PHIP: variants seen among roughly 807,000 people sequenced by gnomAD.
PHIP encodes PHIP subunit of CUL4-Ring ligase complex, also known as PH-interacting protein.
PHIP carries 54 observed loss-of-function variants against 236.8 expected under a neutral mutation model. That is an observed-to-expected ratio of 0.23 (90% CI 0.18 to 0.29). The LOEUF (loss-of-function observed/expected upper bound fraction) is 0.29. Among genes scored for constraint, PHIP ranks in the 10% least tolerant of loss-of-function variants. PHIP has a pLI of 1.00. For missense variants in PHIP, 1,370 were observed against 2,190.8 expected (o/e 0.63, Z 7.48); for synonymous variants, 756 against 718.9 (o/e 1.05, Z -0.83).
At position 78,961,737 on chromosome 6, in the gene PHIP, T is replaced by C; in HGVS notation, c.3609A>G (p.Pro1203=). ...YPMYCTVVAY[P]TDLSTIKQRL... ...TTTGTTTAATTGTACTTAGATCCGT[T>C]GGATATGCCACTACTGTGCAATACA... is the stretch of plus-strand genomic sequence containing the variant. Residue 1203 remains proline, a synonymous_variant, in exon 31 of 40, where the codon CCA becomes CCG. Coordinates refer to ENST00000275034, the MANE Select transcript of PHIP (RefSeq NM_017934.7). The C allele has an allele frequency of 7.4e-6, 12 of 1,612,664 alleles. No homozygotes were observed. Among genetic ancestry groups the C allele is most frequent in the Non-Finnish European group, 1.0e-5 (12 of 1,178,894 alleles).
At chr6:79,006,092 G>A (rs191485865) in intron 15 of PHIP, among the ~76,000 whole-genome samples, 1 of 152,072 alleles carries the variant, frequency 6.6e-6, no homozygotes, top group East Asian at 1.9e-4. Flanking sequence ...GAAAATGAAA[G>A]TATATTTCAA....
chr6:78,969,721 A>C, intron 27 of PHIP, 114 bp downstream of exon 27: 2 of 547,672 alleles, frequency 3.7e-6, no homozygotes, highest in South Asian at 3.1e-5. Context: ...CATTCCTACA[A>C]ATAGCAAAAA....
intron 7 of PHIP, among the ~76,000 whole-genome samples, chr6:79,030,426 G>C (rs1210236299): frequency 6.6e-6 from 1 of 152,116 alleles, no homozygotes; most frequent in African/African-American, 2.4e-5. Flanking sequence ...ATTGCTGCTC[G>C]GGCTAGGAAT....
At chr6:78,944,991 C>T (rs758217287) in intron 39 of PHIP, among the ~76,000 whole-genome samples, 2 of 151,792 alleles carry the variant, frequency 1.3e-5, no homozygotes, top group Non-Finnish European at 2.9e-5. Flanking sequence ...TTTTGTGATC[C>T]AATAATTACT....
chr6:78,947,872 G>A (rs1773913322), intron 35 of PHIP, 97 bp from the exon 36 acceptor site: 1 of 743,212 alleles, frequency 1.3e-6, no homozygotes, highest in Non-Finnish European at 2.2e-6. Context: ...ATGACTGCAA[G>A]TCCTAGAACT....
At position 79,001,930 on chromosome 6, in the gene PHIP, T is replaced by C. The variant is rs200020269; in HGVS notation, c.1848A>G (p.Gln616=). ...VPGRENCREE[Q]LIPQMGVTSS... ...AAGTTACTCCCATCTGAGGGATGAGTTGCTCCTCCCTGCAATTTTCACGGC... is the reference window on the plus strand; with the variant it reads ...AAGTTACTCCCATCTGAGGGATGAGCTGCTCCTCCCTGCAATTTTCACGGC... The change falls in exon 17 of 40, where the codon CAA becomes CAG. Residue 616 remains glutamine, a synonymous_variant. Transcript: ENST00000275034. 3.1e-6 allele frequency: 5 copies of C among 1,611,072 alleles called. No homozygotes were observed. In the Admixed American group the frequency reaches 6.7e-5, roughly 22 times the overall value.
chr6:79,070,340 T>A (rs966275557), intron 4 of PHIP, among the ~76,000 whole-genome samples: 3 of 152,192 alleles, frequency 2.0e-5, no homozygotes, highest in African/African-American at 4.8e-5. Context: ...CTAAGGCCAA[T>A]GTAAATAATC....
chr6:78,968,342 C>G (rs1338210828), intron 27 of PHIP, among the ~76,000 whole-genome samples: 1 of 152,084 alleles, frequency 6.6e-6, no homozygotes, highest in African/African-American at 2.4e-5. Flanking sequence ...TTTAACTGAC[C>G]AGGTCTACTT....
chr6:79,001,153 G>A (rs2127731134), intron 17 of PHIP, among the ~76,000 whole-genome samples: 3 of 152,132 alleles, frequency 2.0e-5, no homozygotes, highest in Admixed American at 2.0e-4. Flanking sequence ...TATAGTAGAA[G>A]TATTCATAAT....
chr6:78,967,292 A>G (rs1268913416), intron 27 of PHIP, among the ~76,000 whole-genome samples: 1 of 152,220 alleles, frequency 6.6e-6, no homozygotes, highest in Non-Finnish European at 1.5e-5. Flanking sequence ...ACTTAACAAA[A>G]AGCTACTATA....
At chr6:79,042,474 C>T (rs1196093383) in intron 7 of PHIP, among the ~76,000 whole-genome samples, 1 of 151,912 alleles carries the variant, frequency 6.6e-6, no homozygotes, top group Non-Finnish European at 1.5e-5. Flanking sequence ...TAATCTCATA[C>T]AATTATAAAA....
At position 79,042,486 on chromosome 6, in the gene PHIP, G is replaced by A. The variant is rs948208238; in HGVS notation, c.600+357C>T. The stretch of plus-strand genomic sequence containing the variant: ...CAATAATCTCATACAATTATAAAAA[G>A]GCACATTTAATAATCTCTCAACATA... On this transcript the variant is annotated intron_variant, in intron 7 of 39. Transcript: ENST00000275034. Among the ~76,000 whole-genome samples the A allele has an allele frequency of 2.0e-5, 3 of 151,750 alleles. No individual in the cohort carries two copies. In the South Asian group the frequency reaches 6.2e-4, roughly 32 times the overall value.
At chr6:79,018,333 G>T (rs1415336103) in intron 10 of PHIP, among the ~76,000 whole-genome samples, 4 of 151,820 alleles carry the variant, frequency 2.6e-5, no homozygotes, top group African/African-American at 9.7e-5. Context: ...GTTAGAAAAT[G>T]AACATGTTTG....
chr6:78,997,543 C>A lies in PHIP; in HGVS notation c.2072G>T (p.Arg691Leu). ...CCGTACACCTTCAATTTGTCCACTACGTCTTAGTCCTACGTTTGGTGGTGA... is the reference window on the plus strand; with the variant it reads ...CCGTACACCTTCAATTTGTCCACTAAGTCTTAGTCCTACGTTTGGTGGTGA... ...VHSPPNVGLR[R>L]SGQIEGVRQM... Residue 691 changes from arginine to leucine, a missense_variant, in exon 19 of 40, where the codon CGT becomes CTT. Coordinates refer to ENST00000275034, the MANE Select transcript of PHIP (RefSeq NM_017934.7). The A allele has an allele frequency of 2.5e-6, 4 of 1,613,992 alleles. No homozygotes were observed. In the African/African-American group the frequency reaches 4.0e-5, roughly 16 times the overall value.
rs1439125734 is a variant in PHIP, at chr6:78,939,501, C to T, written c.*1192G>A. 6.6e-6 allele frequency: 1 copy of T among 151,688 alleles called. No individual in the cohort carries two copies. The highest frequency in any genetic ancestry group is 1.5e-5 in the Non-Finnish European group (1 of 67,742). 9.4% of individuals were successfully genotyped at this position (151,688 alleles called of 1,614,324 possible). On this transcript the variant is annotated 3_prime_UTR_variant, in exon 40 of 40. Coordinates refer to ENST00000275034, the MANE Select transcript of PHIP (RefSeq NM_017934.7). ...CTTAAAATTAAACTATAAAGTATGA[C>T]ATTTTAAAATTATTTTTATTCTACT...
chr6:79,011,474 T>C (rs1160843585), intron 15 of PHIP, among the ~76,000 whole-genome samples: 1 of 151,838 alleles, frequency 6.6e-6, no homozygotes, highest in Non-Finnish European at 1.5e-5. Flanking sequence ...AGTTTTTAGT[T>C]AAAGATGAGA....
intron 4 of PHIP, among the ~76,000 whole-genome samples, chr6:79,066,755 C>CGGTTT (rs1266317971): frequency 1.3e-5 from 2 of 152,098 alleles, no homozygotes; most frequent in African/African-American, 4.8e-5. Context: ...CTGCTCTAAA[C>CGGTTT]CCTTAATTTA....
rs372489441 is a variant in PHIP, at chr6:78,947,810, T to C, written c.4054-35A>G. On this transcript the variant is annotated intron_variant, in intron 35 of 39. Coordinates refer to ENST00000275034, the MANE Select transcript of PHIP (RefSeq NM_017934.7). ...GGAAAACAGGTGGTGTTATGATTAT[T>C]ACTACACAAAGCATCACTTCTCAGT... The C allele has an allele frequency of 6.7e-6, 10 of 1,490,086 alleles. No homozygotes were observed. In the African/African-American group the frequency reaches 1.2e-4, roughly 19 times the overall value. The allele number at this position is 1,490,086 out of a possible 1,614,324, so 92.3% of individuals were successfully genotyped here. A position where few individuals can be genotyped will look rare whatever the true frequency, so the allele number is the denominator to read the frequency against.
rs1773400901 is a variant in PHIP, at chr6:78,939,889, T to C, written c.*804A>G. ...CTTTAATAACTTGCTCTTTAGAATA[T>C]ATAGCCTTTCCAATATTGAAAAGTG... On this transcript the variant is annotated 3_prime_UTR_variant, in exon 40 of 40. Transcript: ENST00000275034. 6.6e-6 allele frequency: 1 copy of C among 152,524 alleles called. No individual in the cohort carries two copies. Among genetic ancestry groups the C allele is most frequent in the African/African-American group, 2.4e-5 (1 of 41,452 alleles). The allele number at this position is 152,524 out of a possible 1,614,324, so 9.4% of individuals were successfully genotyped here. A position where few individuals can be genotyped will look rare whatever the true frequency, so the allele number is the denominator to read the frequency against.
Sources: gnomAD v4.1 joint callset for allele counts (sites outside exome capture counted in the v4.1 genomes callset) on GRCh38, gnomAD v4.1.1 for gene constraint, MANE v1.5 for transcripts, NCBI Gene and HGNC (gene_info 2026-07-23, HGNC 2026-07-21) for gene names.